Variants in BRINP3 observed in about 807,000 individuals in gnomAD.
BRINP3 encodes BMP/retinoic acid-inducible neural-specific protein 3.
A neutral mutation model predicts 71.0 loss-of-function variants in BRINP3; 19 were observed. The ratio of observed to expected loss-of-function variants is 0.27; its 90% CI spans 0.19 to 0.39. The LOEUF (loss-of-function observed/expected upper bound fraction) is 0.39, where lower values mean the gene tolerates loss of function less well. BRINP3 is among the 10% of genes least tolerant of loss of function. BRINP3 has a pLI of 1.00. For missense variants in BRINP3, 959 were observed against 940.8 expected, an observed-to-expected ratio of 1.02 and a Z score of -0.25; for synonymous variants, 380 against 337.7, an observed-to-expected ratio of 1.13 and a Z score of -1.37.
rs116754685 is a variant in BRINP3 at position 190,159,508 on chromosome 1, C to T, written c.1184+1160G>A. On this transcript the variant is annotated intron_variant, in intron 7 of 7. Transcript: ENST00000367462. The stretch of plus-strand genomic sequence containing the variant: ...GAACGAATAAACAATATGTGGTATA[C>T]CCATACTACTGATGCTACAACATAG... Among the ~76,000 whole-genome samples, 797 of 152,096 alleles carry T rather than the reference C, an allele frequency of 5.2e-3. 4 individuals are homozygous for T. Among genetic ancestry groups the T allele is most frequent in the Non-Finnish European group, 7.9e-3 (534 of 67,944 alleles).
At chr1:190,216,254 T>A (rs951885473) in intron 6 of BRINP3, among the ~76,000 whole-genome samples, 6 of 151,788 alleles carry the variant, frequency 4.0e-5, no homozygotes, top group Admixed American at 1.3e-4. Flanking sequence ...AAAATTGTGA[T>A]CTTTGTCTAA....
At chr1:190,105,756 T>C (rs969222610) in intron 7 of BRINP3, among the ~76,000 whole-genome samples, 3 of 151,970 alleles carry the variant, frequency 2.0e-5, no homozygotes, top group East Asian at 3.9e-4. Flanking sequence ...CAAAGAGCTA[T>C]AGAAATTTTC....
chr1:190,263,208 C>A (rs976481597), intron 4 of BRINP3, among the ~76,000 whole-genome samples: 1 of 152,148 alleles, frequency 6.6e-6, no homozygotes, highest in African/African-American at 2.4e-5. Context: ...TTTTCCTCAG[C>A]AACCACAAGC....
chr1:190,160,596 A>C (rs1002845803), intron 7 of BRINP3, 72 bp downstream of exon 7: 2 of 1,284,684 alleles, frequency 1.6e-6, no homozygotes, highest in Admixed American at 2.1e-5. Flanking sequence ...ACACACCTGC[A>C]TTCAGAAAAA....
At chr1:190,324,380 A>T (rs1666445996) in intron 2 of BRINP3, among the ~76,000 whole-genome samples, 1 of 151,972 alleles carries the variant, frequency 6.6e-6, no homozygotes, top group African/African-American at 2.4e-5. Context: ...AGAACCAGTG[A>T]ATTCACCACA....
intron 2 of BRINP3, among the ~76,000 whole-genome samples, chr1:190,297,575 T>A (rs1664344926): frequency 6.6e-6 from 1 of 152,142 alleles, no homozygotes; most frequent in Admixed American, 6.5e-5. Flanking sequence ...TTCTCAGATT[T>A]TTTTCTCATA....
At chr1:190,235,481 ACAAT>A (rs1315435083) in intron 4 of BRINP3, among the ~76,000 whole-genome samples, 1 of 152,074 alleles carries the variant, frequency 6.6e-6, no homozygotes, top group African/African-American at 2.4e-5. Context: ...TCCAATGTTT[ACAAT>A]CATTTAATGG....
At chr1:190,266,990 A>G (rs1004012682) in intron 3 of BRINP3, among the ~76,000 whole-genome samples, 2 of 152,182 alleles carry the variant, frequency 1.3e-5, no homozygotes, top group African/African-American at 4.8e-5. Flanking sequence ...AGTAACAGAA[A>G]CTTGCAACGT....
At chr1:190,278,310 G>C (rs1282788811) in intron 3 of BRINP3, among the ~76,000 whole-genome samples, 4 of 151,298 alleles carry the variant, frequency 2.6e-5, no homozygotes, top group Non-Finnish European at 5.9e-5. Context: ...GTTTTTCCTT[G>C]GTCTTCATTA....
chr1:190,402,462 G>T (rs376460061), intron 2 of BRINP3, among the ~76,000 whole-genome samples: 1 of 152,052 alleles, frequency 6.6e-6, no homozygotes, highest in African/African-American at 2.4e-5. Context: ...TTTACTTACA[G>T]AAATCATTCT....
intron 7 of BRINP3, among the ~76,000 whole-genome samples, chr1:190,131,729 TG>T (rs1039665632): frequency 1.1e-4 from 17 of 152,108 alleles, no homozygotes; most frequent in African/African-American, 4.1e-4. Context: ...ATTCACATTG[TG>T]GACTTACCCA....
chr1:190,336,179 T>C (rs1667269303), intron 2 of BRINP3, among the ~76,000 whole-genome samples: 1 of 152,040 alleles, frequency 6.6e-6, no homozygotes, highest in African/African-American at 2.4e-5. Flanking sequence ...TAATTGAAAG[T>C]ATTAAAGCTC....
At chr1:190,140,156 G>C (rs1655311611) in intron 7 of BRINP3, among the ~76,000 whole-genome samples, 1 of 152,088 alleles carries the variant, frequency 6.6e-6, no homozygotes, top group Non-Finnish European at 1.5e-5. Context: ...CACTTAATTT[G>C]AGTATTTTTT....
At chr1:190,153,396 C>A (rs1464466259) in intron 7 of BRINP3, among the ~76,000 whole-genome samples, 1 of 152,062 alleles carries the variant, frequency 6.6e-6, no homozygotes, top group Non-Finnish European at 1.5e-5. Context: ...ATGGAAAGTA[C>A]TTATCTAAGC....
At chr1:190,414,932 CT>C (rs942625374) in intron 2 of BRINP3, among the ~76,000 whole-genome samples, 45 of 152,180 alleles carry the variant, frequency 3.0e-4, no homozygotes, top group African/African-American at 1.1e-3. Flanking sequence ...ATTTCTCTGT[CT>C]TGAGACTAAA....
At chr1:190,231,139 C>T (rs1657947996) in intron 5 of BRINP3, among the ~76,000 whole-genome samples, 1 of 151,512 alleles carries the variant, frequency 6.6e-6, no homozygotes, top group Non-Finnish European at 1.5e-5. Flanking sequence ...CAAATATAAT[C>T]AGCTTTTTGA....
At chr1:190,446,860 C>G (rs903695114) in intron 2 of BRINP3, among the ~76,000 whole-genome samples, 1 of 151,980 alleles carries the variant, frequency 6.6e-6, no homozygotes, top group South Asian at 2.1e-4. Context: ...TGCACTTGAT[C>G]TTTAAATCCA....
At chr1:190,215,900 C>T (rs954731860) in intron 6 of BRINP3, among the ~76,000 whole-genome samples, 1 of 151,650 alleles carries the variant, frequency 6.6e-6, no homozygotes, top group Non-Finnish European at 1.5e-5. Flanking sequence ...CATGCCAAAA[C>T]ATTTGTAAAA....
chr1:190,143,465 G>C (rs898335508), intron 7 of BRINP3, among the ~76,000 whole-genome samples: 2 of 152,176 alleles, frequency 1.3e-5, no homozygotes, highest in African/African-American at 4.8e-5. Context: ...AAGGGACATT[G>C]AGGGACCATT....
Sources: gnomAD v4.1 joint callset for allele counts (sites outside exome capture counted in the v4.1 genomes callset) on GRCh38, gnomAD v4.1.1 for gene constraint, MANE v1.5 for transcripts, NCBI Gene and HGNC (gene_info 2026-07-23, HGNC 2026-07-21) for gene names.